The following IL17REL variants were observed in gnomAD, a reference collection of about 807,000 sequenced individuals.
IL17REL encodes interleukin-17 receptor E-like protein.
IL17REL carries 36 observed loss-of-function variants against 49.0 expected under a neutral mutation model. The observed-to-expected ratio is 0.73, with a 90% confidence interval of 0.56 to 0.97. The LOEUF (loss-of-function observed/expected upper bound fraction) is 0.97. Among genes scored for constraint, IL17REL ranks in the 50% least tolerant of loss-of-function variants. The probability of loss-of-function intolerance (pLI) is 0.00; values close to 1 mark genes in which losing one functional copy is unlikely to be tolerated. For synonymous variants in IL17REL, 206 were observed against 192.4 expected (o/e 1.07, Z -0.58); for missense variants, 470 against 453.9 (o/e 1.04, Z -0.32).
At chr22:50,012,723 G>A (rs1197026401), upstream of IL17REL, 2 of 152,256 alleles carry the variant, frequency 1.3e-5, no homozygotes, top group Non-Finnish European at 2.9e-5. Flanking sequence ...CTGTGGCAGC[G>A]GCTCCAGGCT....
chr22:50,009,434 C>T (rs1312476889), upstream of IL17REL, among the ~76,000 whole-genome samples: 3 of 152,172 alleles, frequency 2.0e-5, no homozygotes, highest in African/African-American at 4.8e-5. Flanking sequence ...CCCGGCACCC[C>T]GGCACCAACG....
intron 1 of IL17REL, among the ~76,000 whole-genome samples, chr22:50,007,313 A>G (rs1272008252): frequency 6.6e-6 from 1 of 152,102 alleles, no homozygotes; most frequent in Non-Finnish European, 1.5e-5. Context: ...ATCATCATTA[A>G]AAAAGGAGAC....
At chr22:50,001,165 A>T (rs565251359) in exon 2 of IL17REL, 1 of 1,605,138 alleles carries the variant, frequency 6.2e-7, no homozygotes, top group African/African-American at 1.3e-5. Context: ...GGAGGACGTC[A>T]GGGCCTCCAG....
exon 6 of IL17REL, chr22:49,999,445 A>C: frequency 6.2e-7 from 1 of 1,611,966 alleles, no homozygotes. Flanking sequence ...AGGCACAGGC[A>C]CGGCAGCTCC....
At chr22:49,997,458 C>G in intron 10 of IL17REL, 1 of 1,580,456 alleles carries the variant, frequency 6.3e-7, no homozygotes, top group Non-Finnish European at 8.7e-7. Flanking sequence ...CCTTTGTGGG[C>G]GAAGGCTGGA....
At chr22:49,999,791 C>T in intron 5 of IL17REL, 37 bp downstream of exon 7, 1 of 1,458,488 alleles carries the variant, frequency 6.9e-7, no homozygotes, top group Non-Finnish European at 9.1e-7. Context: ...GTGGGCGGGG[C>T]CTAAGGCTGA....
At chr22:50,010,777 C>T (rs952291715), upstream of IL17REL, among the ~76,000 whole-genome samples, 1 of 132,672 alleles carries the variant, frequency 7.5e-6, no homozygotes, top group Non-Finnish European at 1.6e-5. Flanking sequence ...GCACGGGGAG[C>T]GGGACCCGGG....
intron 7 of IL17REL, 121 bp downstream of exon 9, chr22:49,999,170 G>T: frequency 2.5e-6 from 3 of 1,209,078 alleles, no homozygotes; most frequent in Non-Finnish European, 3.7e-6. Context: ...TTCCGAGCAG[G>T]CTCAGGGATT....
upstream of IL17REL, among the ~76,000 whole-genome samples, chr22:50,010,043 G>C (rs7291872): frequency 0.93 from 138,299 of 148,204 alleles, 64,683 homozygotes; most frequent in East Asian, 1. Flanking sequence ...AGGGTCCAGC[G>C]CAGGACCCCA....
chr22:49,997,814 A>G, intron 9 of IL17REL, 72 bp from the exon 12 acceptor site: 2 of 1,516,422 alleles, frequency 1.3e-6, no homozygotes, highest in Non-Finnish European at 1.8e-6. Context: ...GGGCAGGGAC[A>G]GGGACAGGCT....
At chr22:49,998,340 G>C (rs751597318) in intron 7 of IL17REL, 31 bp from the exon 10 acceptor site, 1 of 1,571,990 alleles carries the variant, frequency 6.4e-7, no homozygotes, top group Middle Eastern at 1.7e-4. Flanking sequence ...ACACAGGTCA[G>C]TTGGGCCCTA....
upstream of IL17REL, among the ~76,000 whole-genome samples, chr22:50,011,180 C>G (rs1477836625): frequency 4.0e-5 from 6 of 151,784 alleles, no homozygotes; most frequent in Admixed American, 6.6e-5. Flanking sequence ...CCTGCTCAAC[C>G]CTCCCCACCC....
chr22:50,003,036 A>G (rs1362467786), intron 1 of IL17REL, among the ~76,000 whole-genome samples: 1 of 152,154 alleles, frequency 6.6e-6, no homozygotes, highest in Non-Finnish European at 1.5e-5. Context: ...GTGGATCCCA[A>G]GTGGAGCTTG....
intron 1 of IL17REL, among the ~76,000 whole-genome samples, chr22:50,002,274 C>T (rs1056623957): frequency 2.0e-5 from 3 of 152,228 alleles, no homozygotes; most frequent in African/African-American, 7.2e-5. Context: ...CTTGCTTCGG[C>T]CTGCTCCCGC....
downstream of IL17REL, among the ~76,000 whole-genome samples, chr22:49,992,290 C>A (rs116798140): frequency 0.013 from 1,997 of 152,332 alleles, 49 homozygotes; most frequent in African/African-American, 0.046. Flanking sequence ...ACCTGCCTGC[C>A]CTCCACAAGC....
At chr22:49,999,572 G>T in intron 5 of IL17REL, 70 bp from the exon 8 acceptor site, 1 of 1,079,560 alleles carries the variant, frequency 9.3e-7, no homozygotes, top group Non-Finnish European at 1.3e-6. Context: ...GGCGGGACCT[G>T]CACCGAACGG....
intron 1 of IL17REL, among the ~76,000 whole-genome samples, 155 bp downstream of exon 2, chr22:50,008,482 G>C (rs1274155222): frequency 2.0e-5 from 3 of 152,178 alleles, no homozygotes; most frequent in African/African-American, 7.2e-5. Flanking sequence ...CACACGCATC[G>C]GTGAGTGATA....
rs2061058407 is a variant in IL17REL at position 49,999,221 on chromosome 22, C to A, written c.601+70G>T. 3 of 1,565,070 alleles carry A rather than the reference C, an allele frequency of 1.9e-6. No homozygotes were observed. The Admixed American group carries it at 5.0e-5, about 26-fold the overall frequency. On this transcript the variant is annotated intron_variant, in intron 7 of 12. Transcript: ENST00000341280. ...CCTTATCTCATCCCCCCACGTCAGT[C>A]CTCATGGTGGAGTCAGACTGGCCGC...
chr22:50,004,440 G>A (rs137850), intron 1 of IL17REL, among the ~76,000 whole-genome samples: 23,075 of 152,190 alleles, frequency 0.15, 1,926 homozygotes, highest in Middle Eastern at 0.33. Context: ...GTGCTAGGGA[G>A]TGGGGAGGGG....
Sources: gnomAD v4.1 joint callset for allele counts (sites outside exome capture counted in the v4.1 genomes callset) on GRCh38, gnomAD v4.1.1 for gene constraint, MANE v1.5 for transcripts, NCBI Gene and HGNC (gene_info 2026-07-23, HGNC 2026-07-21) for gene names.